Variants in HELZ2 observed in about 807,000 individuals in gnomAD.
The protein encoded by HELZ2 is helicase with zinc finger 2.
HELZ2 carries 143 observed loss-of-function variants against 208.8 expected under a neutral mutation model. The observed-to-expected ratio is 0.68, with a 90% CI of 0.60 to 0.79. The LOEUF (loss-of-function observed/expected upper bound fraction) is 0.79. HELZ2 is among the 30% of genes least tolerant of loss of function. The probability of loss-of-function intolerance (pLI) is 0.00; values close to 1 mark genes in which losing one functional copy is unlikely to be tolerated. For synonymous variants in HELZ2, 1,705 were observed against 1,693.7 expected (o/e 1.01, Z -0.16); for missense variants, 3,690 against 3,794.5 (o/e 0.97, Z 0.72).
rs1223918410 is a variant in HELZ2, at chr20:63,561,477, G to A, written c.6837-11C>T. 4 of 1,601,234 alleles carry A rather than the reference G, an allele frequency of 2.5e-6. No homozygotes were observed. Among genetic ancestry groups the A allele is most frequent in the Non-Finnish European group, 2.6e-6 (3 of 1,174,240 alleles). Reference sequence around the variant, plus strand: ...TGCAGGGTGATGCTCCTGGGGGACAGGACACAGTGAGCCCTGTCCACGCAG... The same window carrying A: ...TGCAGGGTGATGCTCCTGGGGGACAAGACACAGTGAGCCCTGTCCACGCAG... On this transcript the variant is annotated splice_polypyrimidine_tract_variant and intron_variant, in intron 12 of 18. Coordinates refer to ENST00000467148, the Ensembl canonical transcript of HELZ2.
At chr20:63,570,257 G>C (rs1468167697) in intron 3 of HELZ2, 4 of 642,106 alleles carry the variant, frequency 6.2e-6, no homozygotes. Context: ...ACCGCACCTG[G>C]CCAAATCCTT....
intron 14 of HELZ2, 55 bp downstream of exon 15, chr20:63,561,027 G>A (rs2082879645): frequency 6.3e-7 from 1 of 1,595,954 alleles, no homozygotes; most frequent in Non-Finnish European, 8.6e-7. Flanking sequence ...CACCCCAGGT[G>A]GGAGACTGTG....
At chr20:63,567,611 T>C (rs1403708631) in exon 6 of HELZ2, 9 of 1,600,826 alleles carry the variant, frequency 5.6e-6, no homozygotes, top group South Asian at 1.1e-5. Context: ...TACTCCCGGA[T>C]GTAGATGTCG....
At chr20:63,574,099 C>A (rs1198099071), upstream of HELZ2, 2 of 148,062 alleles carry the variant, frequency 1.4e-5, no homozygotes, top group Non-Finnish European at 3.0e-5. Flanking sequence ...GGCCCCGCCA[C>A]CCTGGGACCC....
chr20:63,561,498 C>T (rs778209359), intron 12 of HELZ2, 32 bp from the exon 14 acceptor site: 5 of 1,586,182 alleles, frequency 3.2e-6, no homozygotes, highest in Non-Finnish European at 4.3e-6. Context: ...GCCCTGTCCA[C>T]GCAGGGCCAT....
In HELZ2 at chr20:63,562,217, G is replaced by T. The variant is rs755903092; in HGVS notation, c.6398-14C>A. ...TGCTGGGGATCACTGAGAGGGGGCA[G>T]CCTCCCTGAGCACTCATGCAGGGTG... On this transcript the variant is annotated splice_polypyrimidine_tract_variant and intron_variant, in intron 9 of 18. Coordinates refer to ENST00000467148, the Ensembl canonical transcript of HELZ2. The T allele has an allele frequency of 2.5e-6, 4 of 1,611,222 alleles. No individual in the cohort carries two copies. The highest frequency in any genetic ancestry group is 3.4e-6 in the Non-Finnish European group (4 of 1,179,348).
downstream of HELZ2, chr20:63,559,087 C>G (rs1040590050): frequency 6.4e-6 from 5 of 783,018 alleles, no homozygotes; most frequent in Non-Finnish European, 9.9e-6. Flanking sequence ...CGGCCCTTGC[C>G]GTTCCTCCTC....
exon 8 of HELZ2, chr20:63,565,438 C>T: frequency 6.2e-7 from 1 of 1,610,302 alleles, no homozygotes; most frequent in Non-Finnish European, 8.5e-7. Flanking sequence ...AGTGGCGGTA[C>T]CGCTCGGGCT....
chr20:63,564,623 C>A (rs1468989119), exon 8 of HELZ2: 4 of 1,568,218 alleles, frequency 2.6e-6, no homozygotes, highest in African/African-American at 1.4e-5. Flanking sequence ...TGGCTCCCTG[C>A]CGGGGGCATA....
At chr20:63,560,756 G>A (rs567213184) in intron 15 of HELZ2, 39 bp downstream of exon 16, 1 of 1,605,158 alleles carries the variant, frequency 6.2e-7, no homozygotes, top group Admixed American at 1.7e-5. Context: ...GCCCCCCAGG[G>A]GCTGCAGGTG....
chr20:63,562,414 C>T lies in HELZ2; in HGVS notation c.6303-32G>A, dbSNP rs749624071. 1.9e-6 allele frequency: 3 copies of T among 1,551,662 alleles called. No individual in the cohort carries two copies. In the African/African-American group the frequency reaches 4.1e-5, roughly 21 times the overall value. ...GTGAAGGCAGACACTGGAAAACCAACAGGACTCCCAGGAAAGGGGCTGCTG... is the reference window on the plus strand; with the variant it reads ...GTGAAGGCAGACACTGGAAAACCAATAGGACTCCCAGGAAAGGGGCTGCTG... On this transcript the variant is annotated intron_variant, in intron 8 of 18. Transcript: ENST00000467148.
At chr20:63,574,176 G>A (rs538852586), upstream of HELZ2, 11 of 110,974 alleles carry the variant, frequency 9.9e-5, no homozygotes, top group Non-Finnish European at 2.0e-4. Flanking sequence ...TGGGACCCCC[G>A]CGCTCACCCT....
Position 63,562,270 on chromosome 20 carries a change from G to A in HELZ2, c.6397+18C>T. 2.5e-6 allele frequency: 4 copies of A among 1,597,232 alleles called. No individual in the cohort carries two copies. The highest frequency in any genetic ancestry group is 1.1e-5 in the South Asian group (1 of 90,264). ...GCTGGGGGCCAGAGGGGAAGCTGGAGGGGTGGGGCAGACCTACCTCTGCAG... is the reference window on the plus strand; with the variant it reads ...GCTGGGGGCCAGAGGGGAAGCTGGAAGGGTGGGGCAGACCTACCTCTGCAG... On this transcript the variant is annotated intron_variant, in intron 9 of 18. Coordinates refer to ENST00000467148, the Ensembl canonical transcript of HELZ2.
chr20:63,571,035 A>G (rs2083011321), intron 1 of HELZ2, 167 bp from the exon 3 acceptor site: 1 of 577,486 alleles, frequency 1.7e-6, no homozygotes, highest in African/African-American at 1.9e-5. Context: ...GCAGTTCCCA[A>G]ACATGAACCT....
chr20:63,563,271 CCTT>C (rs1172442266), exon 8 of HELZ2: 1 of 1,555,494 alleles, frequency 6.4e-7, no homozygotes, highest in Admixed American at 1.8e-5. Flanking sequence ...GACGCCTCGC[CCTT>C]CTCCTGGATG....
rs11905760 is a variant in HELZ2 at position 63,568,496 on chromosome 20, G to A, written c.1592C>T (p.Pro531Leu). ...CGGGGGGACACGCCTCCCATCCCCAGGGCCCCAGCCCGCGATGAGCGCCAC... is the reference window on the plus strand; with the variant it reads ...CGGGGGGACACGCCTCCCATCCCCAAGGCCCCAGCCCGCGATGAGCGCCAC... Residue 531 changes from proline (P) to leucine (L), a missense_variant, in exon 5 of 19, where the codon CCT becomes CTT. Physicochemically the swap from Pro to Leu is moderately conservative, Grantham distance 98 (BLOSUM62 -3). This residue lies in a region of HELZ2 where 1,119 missense variants were observed against 1,193.4 expected (regional missense o/e 0.94). Coordinates refer to ENST00000467148, the Ensembl canonical transcript of HELZ2. 6.5e-4 allele frequency: 1,029 copies of A among 1,586,820 alleles called. 3 individuals are homozygous for A. In the African/African-American group the frequency reaches 0.013, roughly 20 times the overall value.
rs748897570 is a variant in HELZ2 at position 63,563,812 on chromosome 20, C to T, written c.5010G>A (p.Trp1670Ter). Reference sequence around the variant, plus strand: ...GGTACCTGCGGATGGGCGAGGTGGCCCACGTGTACCAGTCCACCTGCAGCG... The same window carrying T: ...GGTACCTGCGGATGGGCGAGGTGGCTCACGTGTACCAGTCCACCTGCAGCG... The change falls in exon 8 of 19, where the codon TGG (tryptophan) becomes TGA (stop). Residue 1670 changes from tryptophan (W) to a stop codon, truncating the protein, a stop_gained. Transcript: ENST00000467148. LOFTEE classifies it high-confidence loss of function. 1.2e-6 allele frequency: 2 copies of T among 1,600,544 alleles called. No individual in the cohort carries two copies. Among genetic ancestry groups the T allele is most frequent in the Non-Finnish European group, 8.5e-7 (1 of 1,176,118 alleles).
intron 4 of HELZ2, 52 bp downstream of exon 5, chr20:63,569,096 A>G (rs373180365): frequency 3.6e-5 from 57 of 1,583,384 alleles, no homozygotes; most frequent in Non-Finnish European, 4.0e-5. Context: ...AGCCGCTCCC[A>G]TTGCCCCAGC....
exon 8 of HELZ2, chr20:63,563,468 A>G: frequency 6.6e-7 from 1 of 1,522,760 alleles, no homozygotes; most frequent in Non-Finnish European, 8.8e-7. Context: ...CCGGCCTGCC[A>G]GGGCGTGGGG....
Sources: allele counts gnomAD v4.1 joint callset, GRCh38; gene constraint gnomAD v4.1.1; regional missense constraint gnomAD v4.1.1; transcripts MANE v1.5; gene names NCBI Gene and HGNC (gene_info 2026-07-23, HGNC 2026-07-21).